LEPROTL1: variants seen among roughly 807,000 people sequenced by gnomAD.
The protein encoded by LEPROTL1 is leptin receptor overlapping transcript-like 1.
A neutral mutation model predicts 15.4 loss-of-function variants in LEPROTL1; 6 were observed. The ratio of observed to expected loss-of-function variants is 0.39; its 90% CI spans 0.21 to 0.77. LEPROTL1 has a LOEUF of 0.77. LEPROTL1 is among the 30% of genes least tolerant of loss of function. The pLI, the probability that LEPROTL1 is intolerant of heterozygous loss-of-function variation, is 0.41. For missense variants in LEPROTL1, 128 were observed against 158.1 expected (o/e 0.81, Z 1.02); for synonymous variants, 56 against 52.6 (o/e 1.06, Z -0.28).
At chr8:30,136,814 AGTAGCTGG>A (rs1164257401) in intron 4 of LEPROTL1, among the ~76,000 whole-genome samples, 5 of 149,802 alleles carry the variant, frequency 3.3e-5, no homozygotes, top group African/African-American at 1.2e-4. Flanking sequence ...CAGCCTCCCG[AGTAGCTGG>A]GATTCCAGGC....
Position 30,106,054 on chromosome 8 carries a change from C to G in LEPROTL1, c.*192C>G. ...TGCTGAAGGATTAAAAGGATTTTCT[C>G]TTTTGGAAAAGCTTGACTGATTTCA... On this transcript the variant is annotated 3_prime_UTR_variant, in exon 4 of 4. Coordinates refer to ENST00000321250, the MANE Select transcript of LEPROTL1 (RefSeq NM_015344.3). 1 of 1,131,534 alleles carries G rather than the reference C, an allele frequency of 8.8e-7. No individual in the cohort carries two copies. Among genetic ancestry groups the G allele is most frequent in the Non-Finnish European group, 1.1e-6 (1 of 919,686 alleles). The allele number at this position is 1,131,534 out of a possible 1,614,324, so 70.1% of individuals were successfully genotyped here.
At chr8:30,130,645 A>G (rs1802989578) in intron 3 of LEPROTL1, among the ~76,000 whole-genome samples, 1 of 152,122 alleles carries the variant, frequency 6.6e-6, no homozygotes, top group South Asian at 2.1e-4. Flanking sequence ...TTTGTAAGAC[A>G]TGTTTATGAG....
chr8:30,121,901 C>T (rs564726025), intron 3 of LEPROTL1, among the ~76,000 whole-genome samples: 8 of 151,946 alleles, frequency 5.3e-5, no homozygotes, highest in South Asian at 2.1e-4. Context: ...CACAGTGGCT[C>T]ACCCCTGTAA....
intron 3 of LEPROTL1, chr8:30,131,989 C>T (rs148250893): frequency 1.3e-6 from 2 of 1,552,080 alleles, no homozygotes; most frequent in South Asian, 1.2e-5. Flanking sequence ...AAGCAGAATA[C>T]AGTACACCAT....
At chr8:30,117,733 T>C in intron 3 of LEPROTL1, 1 of 1,061,778 alleles carries the variant, frequency 9.4e-7, no homozygotes, top group Non-Finnish European at 1.5e-6. Context: ...CTTTTCGGCA[T>C]TGTTGATGCT....
intron 3 of LEPROTL1, among the ~76,000 whole-genome samples, chr8:30,127,526 G>T (rs1178934027): frequency 1.3e-5 from 2 of 152,050 alleles, no homozygotes; most frequent in Non-Finnish European, 2.9e-5. Flanking sequence ...CATTTGTAAG[G>T]ATAGGCACGA....
intron 3 of LEPROTL1, among the ~76,000 whole-genome samples, chr8:30,131,401 C>T (rs1237119707): frequency 6.6e-6 from 1 of 151,314 alleles, no homozygotes; most frequent in Non-Finnish European, 1.5e-5. Flanking sequence ...GCAATCCTTC[C>T]ACCTCAGCAT....
chr8:30,107,609 C>T lies in LEPROTL1; in HGVS notation c.*1747C>T, dbSNP rs1025190359. Reference sequence around the variant, plus strand: ...GACGGGAAGCAGGACGAAATATCGGCGTGTGGCTGGAGCCTTCCCACTGGA... The same window carrying T: ...GACGGGAAGCAGGACGAAATATCGGTGTGTGGCTGGAGCCTTCCCACTGGA... On this transcript the variant is annotated 3_prime_UTR_variant, in exon 4 of 4. Transcript: ENST00000321250. 3.0e-6 allele frequency: 3 copies of T among 985,688 alleles called. No individual in the cohort carries two copies. Among genetic ancestry groups the T allele is most frequent in the African/African-American group, 1.7e-5 (1 of 57,236 alleles). The allele number at this position is 985,688 out of a possible 1,614,324, so 61.1% of individuals were successfully genotyped here.
chr8:30,127,685 T>TACAC (rs71206231), intron 3 of LEPROTL1, among the ~76,000 whole-genome samples: 175 of 135,162 alleles, frequency 1.3e-3, no homozygotes, highest in African/African-American at 4.7e-3. Flanking sequence ...AAAAAAAAAA[T>TACAC]ACACACACAC....
intron 3 of LEPROTL1, among the ~76,000 whole-genome samples, chr8:30,123,352 A>T (rs768265992): frequency 6.6e-6 from 1 of 152,224 alleles, no homozygotes. Flanking sequence ...TTAATGTTAC[A>T]TTGTAAGAAA....
intron 3 of LEPROTL1, among the ~76,000 whole-genome samples, chr8:30,115,962 G>A (rs1376636592): frequency 6.6e-6 from 1 of 152,052 alleles, no homozygotes; most frequent in African/African-American, 2.4e-5. Context: ...AATATTAAAA[G>A]CCTTCTGTAA....
chr8:30,137,802 G>A (rs2117544203), downstream of LEPROTL1: 25 of 364,594 alleles, frequency 6.9e-5, 1 homozygote, highest in South Asian at 8.9e-4. Flanking sequence ...GACTGCCTTT[G>A]TAGGATTAAC....
rs1473185422 is a variant in LEPROTL1 at position 30,107,305 on chromosome 8, AT to A, written c.*1444del. 3 of 985,724 alleles carry A rather than the reference AT, an allele frequency of 3.0e-6. No individual in the cohort carries two copies. Among genetic ancestry groups the A allele is most frequent in the Non-Finnish European group, 3.6e-6 (3 of 829,894 alleles). The allele number at this position is 985,724 out of a possible 1,614,324, so 61.1% of individuals were successfully genotyped here. A position where few individuals can be genotyped will look rare whatever the true frequency, so the allele number is the denominator to read the frequency against. ...TAGTGGTCGTTTACATCTAATAATT[AT>A]CAGGACTTTTTTCAGGAGTGGGTTA... On this transcript the variant is annotated 3_prime_UTR_variant, in exon 4 of 4. Transcript: ENST00000321250.
chr8:30,102,034 T>C (rs1802474647), intron 2 of LEPROTL1, 61 bp downstream of exon 2: 4 of 1,056,850 alleles, frequency 3.8e-6, no homozygotes, highest in Non-Finnish European at 4.2e-6. Flanking sequence ...TTTTAAAGCT[T>C]AAAAAAATGT....
chr8:30,110,371 G>A (rs377204809), downstream of LEPROTL1, among the ~76,000 whole-genome samples: 1 of 152,146 alleles, frequency 6.6e-6, no homozygotes, highest in South Asian at 2.1e-4. Context: ...TACTCCGTGT[G>A]TGTGTGTGCG....
intron 3 of LEPROTL1, among the ~76,000 whole-genome samples, 188 bp from the exon 4 acceptor site, chr8:30,105,558 A>G (rs1802549773): frequency 6.8e-6 from 1 of 147,816 alleles, no homozygotes; most frequent in Non-Finnish European, 1.5e-5. Context: ...TATTTATACT[A>G]TATATTTTTT....
chr8:30,106,059 G>A lies in LEPROTL1; in HGVS notation c.*197G>A. On this transcript the variant is annotated 3_prime_UTR_variant, in exon 4 of 4. Coordinates refer to ENST00000321250, the MANE Select transcript of LEPROTL1 (RefSeq NM_015344.3). ...AAGGATTAAAAGGATTTTCTCTTTT[G>A]GAAAAGCTTGACTGATTTCACACTT... is the stretch of plus-strand genomic sequence containing the variant. 1.8e-6 allele frequency: 2 copies of A among 1,117,232 alleles called. No individual in the cohort carries two copies. Among genetic ancestry groups the A allele is most frequent in the Non-Finnish European group, 2.2e-6 (2 of 911,344 alleles). 69.2% of individuals were successfully genotyped at this position (1,117,232 alleles called of 1,614,324 possible).
chr8:30,096,161 C>A, intron 1 of LEPROTL1: 1 of 557,670 alleles, frequency 1.8e-6, no homozygotes, highest in Non-Finnish European at 2.3e-6. Flanking sequence ...CGCAGTTGCA[C>A]CCTGAGGCTT....
chr8:30,131,479 A>G (rs1418566427), intron 3 of LEPROTL1, among the ~76,000 whole-genome samples: 1 of 152,024 alleles, frequency 6.6e-6, no homozygotes, highest in Non-Finnish European at 1.5e-5. Flanking sequence ...TAGAAAAAAA[A>G]GTTCAAACCT....
Sources: allele counts gnomAD v4.1 joint callset (sites outside exome capture counted in the v4.1 genomes callset), GRCh38; gene constraint gnomAD v4.1.1; transcripts MANE v1.5; gene names NCBI Gene and HGNC (gene_info 2026-07-23, HGNC 2026-07-21).